FBXO38: variants seen among roughly 807,000 people sequenced by gnomAD.
The protein encoded by FBXO38 is F-box only protein 38.
Under a neutral mutation model 131.9 loss-of-function variants are expected in FBXO38, and 53 were observed. The ratio of observed to expected loss-of-function variants is 0.40; its 90% CI spans 0.32 to 0.51. The LOEUF (loss-of-function observed/expected upper bound fraction) is 0.51. Among genes scored for constraint, FBXO38 ranks in the 20% least tolerant of loss-of-function variants. The probability of loss-of-function intolerance (pLI) is 0.53; values close to 1 mark genes in which losing one functional copy is unlikely to be tolerated. For missense variants in FBXO38, 1,076 were observed against 1,475.6 expected, an observed-to-expected ratio of 0.73 and a Z score of 4.44; for synonymous variants, 452 against 505.6, an observed-to-expected ratio of 0.89 and a Z score of 1.42.
In FBXO38 at chr5:148,405,471, G is replaced by A. The variant is rs532169386; in HGVS notation, c.730+649G>A. ...TGATGTCAAAATATTGGACACCGCT[G>A]CACTAGAGCATTAAGTGGGAACTAC... is the stretch of plus-strand genomic sequence containing the variant. On this transcript the variant is annotated intron_variant, in intron 6 of 21. Transcript: ENST00000340253. Among the ~76,000 whole-genome samples, 10 of 152,184 alleles carry A rather than the reference G, an allele frequency of 6.6e-5. 2 individuals are homozygous for A. The highest frequency in any genetic ancestry group is 2.4e-4 in the African/African-American group (10 of 41,504).
rs750935580 is a variant in FBXO38 at position 148,402,482 on chromosome 5, A to G, written c.561A>G (p.Ile187Met). 138 of 1,611,444 alleles carry G rather than the reference A, an allele frequency of 8.6e-5. No individual in the cohort carries two copies. The highest frequency in any genetic ancestry group is 1.1e-4 in the Non-Finnish European group (131 of 1,178,910). ...CTGAAAATAAACTGAAAATTCCTAT[A>G]GGAGCCAAAATTCAAACTTTACATT... ...IPPENKLKIPIGAKIQTLHLV... is the reference protein window; with the variant it reads ...IPPENKLKIPMGAKIQTLHLV... Residue 187 changes from isoleucine (I) to methionine (M), a missense_variant, in exon 5 of 22, where the codon ATA becomes ATG. Ile to Met is a conservative substitution (Grantham distance 10). Around this residue, in one of 8 missense-constraint regions of FBXO38, gnomAD observed 96 missense variants for 193.9 expected, o/e 0.50. Transcript: ENST00000340253.
intron 21 of FBXO38, among the ~76,000 whole-genome samples, chr5:148,441,723 G>A (rs1754695635): frequency 6.6e-6 from 1 of 152,162 alleles, no homozygotes; most frequent in South Asian, 2.1e-4. Context: ...TGGATTTTAT[G>A]AACTACATGT....
At chr5:148,397,192 A>G (rs1203929029) in intron 2 of FBXO38, among the ~76,000 whole-genome samples, 1 of 152,120 alleles carries the variant, frequency 6.6e-6, no homozygotes, top group Non-Finnish European at 1.5e-5. Flanking sequence ...AACAAGAAAA[A>G]CTATGGCCTT....
Position 148,401,744 on chromosome 5 carries a change from A to G in FBXO38, c.263-238A>G, listed in dbSNP as rs558003315. On this transcript the variant is annotated intron_variant, in intron 3 of 21. Transcript: ENST00000340253. ...TGCCTTAAAAGCAACAAAAACCAAA[A>G]AGTCAATAATAAAAGCCTCCTCCAT... 3.9e-5 allele frequency among the ~76,000 whole-genome samples: 6 copies of G among 152,290 alleles called. No individual in the cohort carries two copies. In the South Asian group the frequency reaches 8.3e-4, roughly 21 times the overall value.
At chr5:148,422,032 A>C (rs1753465757) in intron 12 of FBXO38, among the ~76,000 whole-genome samples, 1 of 149,550 alleles carries the variant, frequency 6.7e-6, no homozygotes, top group Non-Finnish European at 1.5e-5. Flanking sequence ...TACTACCACT[A>C]CATCAGACCT....
intron 3 of FBXO38, chr5:148,399,440 CTG>C (rs560733717): frequency 1.2e-4 from 29 of 241,714 alleles, no homozygotes; most frequent in Non-Finnish European, 2.2e-4. Context: ...ACATTAGACA[CTG>C]TGTGTCCTTT....
At position 148,440,439 on chromosome 5, in the gene FBXO38, T is replaced by C. The variant is rs1162067475; in HGVS notation, c.3186T>C (p.Tyr1062=). The change falls in exon 20 of 22, where the codon TAT becomes TAC. Residue 1062 remains tyrosine, a synonymous_variant. Transcript: ENST00000340253. ...TTGCTTCCAGAGAGCTCATTAAATATGAATTCTTCCCTGAAGCCACTCGAA... is the reference window on the plus strand; with the variant it reads ...TTGCTTCCAGAGAGCTCATTAAATACGAATTCTTCCCTGAAGCCACTCGAA... ...IANINQELIK[Y]EFFPEATRSE... The C allele has an allele frequency of 6.2e-7, 1 of 1,610,660 alleles. No homozygotes were observed. The highest frequency in any genetic ancestry group is 1.3e-5 in the African/African-American group (1 of 74,960).
intron 5 of FBXO38, among the ~76,000 whole-genome samples, chr5:148,403,066 A>AC (rs893216348): frequency 9.9e-5 from 15 of 152,278 alleles, no homozygotes; most frequent in African/African-American, 3.6e-4. Flanking sequence ...GGAGAAGAGT[A>AC]AAGATTTCTA....
chr5:148,409,706 T>C (rs1752640528), intron 8 of FBXO38, among the ~76,000 whole-genome samples: 1 of 152,250 alleles, frequency 6.6e-6, no homozygotes, highest in Admixed American at 6.5e-5. Context: ...TATGCCACAT[T>C]TACTATTTCT....
At chr5:148,393,234 T>TGTGA (rs1491443388) in intron 1 of FBXO38, among the ~76,000 whole-genome samples, 3 of 144,410 alleles carry the variant, frequency 2.1e-5, no homozygotes, top group South Asian at 4.4e-4. Flanking sequence ...TGTGTGTGTG[T>TGTGA]GATGAGAGGC....
intron 21 of FBXO38, 64 bp from the exon 22 acceptor site, chr5:148,441,905 T>C: frequency 7.1e-7 from 1 of 1,413,814 alleles, no homozygotes; most frequent in South Asian, 1.3e-5. Context: ...GACCAGCTTA[T>C]CAGTGATTTT....
intron 1 of FBXO38, among the ~76,000 whole-genome samples, chr5:148,393,188 G>GGTGTGTGTGTGTGT (rs60593654): frequency 0.014 from 1,825 of 127,060 alleles, 44 homozygotes; most frequent in African/African-American, 0.02. Context: ...ACAGAAGAGG[G>GGTGTGTGTGTGTGT]GTGTGTGTGT....
intron 14 of FBXO38, among the ~76,000 whole-genome samples, chr5:148,426,472 C>CTT (rs1425466783): frequency 1.6e-4 from 25 of 152,228 alleles, no homozygotes; most frequent in African/African-American, 6.0e-4. Context: ...ATTTTTATTT[C>CTT]TTTTAAGAAA....
chr5:148,418,054 C>G (rs1284956233), intron 12 of FBXO38, among the ~76,000 whole-genome samples: 1 of 152,134 alleles, frequency 6.6e-6, no homozygotes, highest in Non-Finnish European at 1.5e-5. Context: ...CATCTGTAGG[C>G]AATGTCTTCA....
chr5:148,395,665 T>C (rs1357908480), intron 2 of FBXO38, among the ~76,000 whole-genome samples: 1 of 152,124 alleles, frequency 6.6e-6, no homozygotes, highest in Non-Finnish European at 1.5e-5. Flanking sequence ...AGCAATATTA[T>C]TAGGATTCAG....
chr5:148,413,999 C>A, intron 9 of FBXO38, 137 bp from the exon 10 acceptor site: 2 of 675,098 alleles, frequency 3.0e-6, no homozygotes, highest in Non-Finnish European at 4.7e-6. Flanking sequence ...AAAATTATAC[C>A]TGAACCCAAT....
intron 12 of FBXO38, among the ~76,000 whole-genome samples, chr5:148,417,418 C>T (rs1016433413): frequency 5.3e-5 from 8 of 152,038 alleles, no homozygotes; most frequent in Non-Finnish European, 1.2e-4. Context: ...ATAAGAATAC[C>T]TACAGAATGG....
rs1175154797 is a variant in FBXO38 at position 148,442,525 on chromosome 5, T to G, written c.*378T>G. 6.3e-6 allele frequency: 1 copy of G among 158,358 alleles called. No homozygotes were observed. The highest frequency in any genetic ancestry group is 2.4e-5 in the African/African-American group (1 of 41,568). 9.8% of individuals were successfully genotyped at this position (158,358 alleles called of 1,614,324 possible). A position where few individuals can be genotyped will look rare whatever the true frequency, so the allele number is the denominator to read the frequency against. ...CCTTTAAATCTGTGCCTTTTTCTTCTTGAGCGAAGCTGTTTGAGTAAACCT... is the reference window on the plus strand; with the variant it reads ...CCTTTAAATCTGTGCCTTTTTCTTCGTGAGCGAAGCTGTTTGAGTAAACCT... On this transcript the variant is annotated 3_prime_UTR_variant, in exon 22 of 22. Transcript: ENST00000340253.
At chr5:148,418,422 C>T (rs182093354) in intron 12 of FBXO38, among the ~76,000 whole-genome samples, 4 of 152,280 alleles carry the variant, frequency 2.6e-5, no homozygotes, top group Admixed American at 6.5e-5. Context: ...AACTTGTATA[C>T]TTTTCTGAAG....
Sources: gnomAD v4.1 joint callset for allele counts (sites outside exome capture counted in the v4.1 genomes callset) on GRCh38, gnomAD v4.1.1 for gene constraint, gnomAD v4.1.1 regional missense constraint, MANE v1.5 for transcripts, NCBI Gene and HGNC (gene_info 2026-07-23, HGNC 2026-07-21) for gene names.